The following UBP1 variants were observed in gnomAD, a reference collection of about 807,000 sequenced individuals.
UBP1 encodes the protein upstream-binding protein 1.
Under a neutral mutation model 76.1 loss-of-function variants are expected in UBP1, and 22 were observed. The ratio of observed to expected loss-of-function variants is 0.29; its 90% CI spans 0.21 to 0.41. UBP1 has a LOEUF of 0.41. Ranked by LOEUF, UBP1 falls within the 10% of genes least tolerant of loss-of-function variation. UBP1 has a pLI of 1.00. For synonymous variants in UBP1, 224 were observed against 237.1 expected (o/e 0.94, Z 0.51); for missense variants, 436 against 668.1 (o/e 0.65, Z 3.83).
intron 14 of UBP1, 69 bp downstream of exon 14, chr3:33,393,243 A>C (rs949884049): frequency 1.4e-5 from 20 of 1,427,998 alleles, no homozygotes; most frequent in Non-Finnish European, 1.8e-5. Flanking sequence ...GAATTTTTCT[A>C]CAGTTCTACA....
chr3:33,437,522 CTT>C (rs913426805), intron 1 of UBP1, among the ~76,000 whole-genome samples: 16 of 152,220 alleles, frequency 1.1e-4, no homozygotes, highest in South Asian at 2.1e-4. Context: ...AGAAATACCT[CTT>C]GTTTTAAGCC....
chr3:33,390,480 T>G, intron 15 of UBP1, 112 bp from the exon 16 acceptor site: 1 of 1,129,504 alleles, frequency 8.9e-7, no homozygotes, highest in South Asian at 1.4e-5. Context: ...GAGGTTACCT[T>G]TAAATGATTC....
chr3:33,440,113 C>T lies in UBP1; in HGVS notation c.-265G>A, dbSNP rs989900844. On this transcript the variant is annotated 5_prime_UTR_variant, in exon 1 of 16. Coordinates refer to ENST00000283629, the MANE Select transcript of UBP1 (RefSeq NM_014517.5). ...CCGGCCCTGCGCCTCATGCCGGCGC[C>T]GCCGCCCAGCCCCCGCGCCGCTAGC... 3 of 306,734 alleles carry T rather than the reference C, an allele frequency of 9.8e-6. No homozygotes were observed. In the Admixed American group the frequency reaches 1.5e-4, roughly 16 times the overall value. 19.0% of individuals were successfully genotyped at this position (306,734 alleles called of 1,614,324 possible). A position where few individuals can be genotyped will look rare whatever the true frequency, so the allele number is the denominator to read the frequency against.
chr3:33,405,494 G>A (rs2044394905), intron 8 of UBP1, among the ~76,000 whole-genome samples: 1 of 152,184 alleles, frequency 6.6e-6, no homozygotes, highest in Non-Finnish European at 1.5e-5. Flanking sequence ...AAAACTTTCA[G>A]ATGTCAATCT....
chr3:33,395,990 C>T (rs1480593901), intron 13 of UBP1, among the ~76,000 whole-genome samples, 172 bp downstream of exon 13: 1 of 152,180 alleles, frequency 6.6e-6, no homozygotes, highest in Non-Finnish European at 1.5e-5. Context: ...TTCCTCTTCT[C>T]CCAAGGACTT....
At chr3:33,411,323 T>C (rs568148769) in intron 5 of UBP1, among the ~76,000 whole-genome samples, 5 of 152,272 alleles carry the variant, frequency 3.3e-5, no homozygotes, top group South Asian at 4.1e-4. Flanking sequence ...TCATGAAAAA[T>C]AGACATTTTC....
rs1425914537 is a variant in UBP1 at position 33,400,705 on chromosome 3, T to C, written c.1086+257A>G. On this transcript the variant is annotated intron_variant, in intron 10 of 15. Transcript: ENST00000283629. ...GGATAAGAGAGAGGATGAGAAGAAC[T>C]GGATTAAAGGGTGCAAACAAACATA... Among the ~76,000 whole-genome samples the C allele has an allele frequency of 2.0e-5, 3 of 152,026 alleles. No homozygotes were observed. In the South Asian group the frequency reaches 6.2e-4, roughly 32 times the overall value.
intron 2 of UBP1, among the ~76,000 whole-genome samples, chr3:33,417,418 T>C (rs2044758241): frequency 6.6e-6 from 1 of 152,148 alleles, no homozygotes; most frequent in African/African-American, 2.4e-5. Context: ...CTTTTTAAAC[T>C]TAGCATAATG....
At chr3:33,420,321 AT>A (rs200003325) in intron 2 of UBP1, among the ~76,000 whole-genome samples, 1,975 of 152,124 alleles carry the variant, frequency 0.013, 42 homozygotes, top group African/African-American at 0.045. Context: ...GCTGTACTTT[AT>A]TAACATTCTT....
At chr3:33,409,072 C>T (rs1330905280) in intron 7 of UBP1, among the ~76,000 whole-genome samples, 164 bp downstream of exon 7, 1 of 152,128 alleles carries the variant, frequency 6.6e-6, no homozygotes, top group East Asian at 1.9e-4. Context: ...AACAGTCTAT[C>T]AAAATCCCCA....
At chr3:33,419,464 C>A (rs896481163) in intron 2 of UBP1, among the ~76,000 whole-genome samples, 1 of 152,214 alleles carries the variant, frequency 6.6e-6, no homozygotes, top group East Asian at 1.9e-4. Context: ...CCCGTCTCTA[C>A]TAAAAATGCA....
chr3:33,396,074 A>C (rs756197423), intron 13 of UBP1, 88 bp downstream of exon 13: 4 of 1,215,304 alleles, frequency 3.3e-6, no homozygotes, highest in Non-Finnish European at 4.6e-6. Flanking sequence ...ACACAGCAAG[A>C]GTTCTCCAAA....
At chr3:33,406,372 G>T (rs2044427956) in intron 8 of UBP1, among the ~76,000 whole-genome samples, 2 of 152,222 alleles carry the variant, frequency 1.3e-5, no homozygotes, top group South Asian at 4.1e-4. Flanking sequence ...TCTAATCATG[G>T]GTATCACACA....
intron 1 of UBP1, among the ~76,000 whole-genome samples, chr3:33,438,181 A>G (rs2045231926): frequency 6.6e-6 from 1 of 152,248 alleles, no homozygotes; most frequent in South Asian, 2.1e-4. Context: ...TATTACATTA[A>G]TAAGTTGGCT....
chr3:33,405,158 C>G (rs909357553), intron 8 of UBP1, among the ~76,000 whole-genome samples: 2 of 151,362 alleles, frequency 1.3e-5, no homozygotes, highest in Non-Finnish European at 2.9e-5. Flanking sequence ...TCATTTGAAG[C>G]CTCAGGAATA....
At chr3:33,414,974 T>C (rs1018537140) in intron 3 of UBP1, among the ~76,000 whole-genome samples, 10 of 85,966 alleles carry the variant, frequency 1.2e-4, no homozygotes, top group Non-Finnish European at 2.1e-4. Flanking sequence ...CATTACGTCA[T>C]AATGAGGTGT....
chr3:33,417,499 T>G (rs1437614124), intron 2 of UBP1, among the ~76,000 whole-genome samples: 5 of 152,246 alleles, frequency 3.3e-5, no homozygotes, highest in African/African-American at 9.6e-5. Flanking sequence ...TTCCTTTTTA[T>G]TGCCTAATAC....
chr3:33,404,479 T>C (rs576273052), intron 8 of UBP1, among the ~76,000 whole-genome samples: 1 of 134,090 alleles, frequency 7.5e-6, no homozygotes, highest in Non-Finnish European at 1.6e-5. Context: ...CTAAAGATAA[T>C]AGGATTAAAA....
intron 1 of UBP1, among the ~76,000 whole-genome samples, chr3:33,432,710 A>G (rs2045134378): frequency 6.6e-6 from 1 of 152,234 alleles, no homozygotes; most frequent in South Asian, 2.1e-4. Context: ...AGAAGGAAAA[A>G]CTAAAAATTG....
Sources: gnomAD v4.1 joint callset for allele counts (sites outside exome capture counted in the v4.1 genomes callset) on GRCh38, gnomAD v4.1.1 for gene constraint, MANE v1.5 for transcripts, NCBI Gene and HGNC (gene_info 2026-07-23, HGNC 2026-07-21) for gene names.